DLGAP1: variants seen among roughly 807,000 people sequenced by gnomAD.
The protein encoded by DLGAP1 is DLG associated protein 1, also known as disks large-associated protein 1.
Under a neutral mutation model 90.8 loss-of-function variants are expected in DLGAP1, and 11 were observed. The ratio of observed to expected loss-of-function variants is 0.12; its 90% CI spans 0.08 to 0.20. DLGAP1 has a LOEUF of 0.20. DLGAP1 is among the 10% of genes least tolerant of loss of function. The probability of loss-of-function intolerance (pLI) is 1.00; values close to 1 mark genes in which losing one functional copy is unlikely to be tolerated. For missense variants in DLGAP1, 1,050 were observed against 1,333.8 expected (o/e 0.79, Z 3.31); for synonymous variants, 558 against 540.7 (o/e 1.03, Z -0.44).
At chr18:3,948,333 A>T (rs1170393306) in intron 3 of DLGAP1, among the ~76,000 whole-genome samples, 1 of 151,616 alleles carries the variant, frequency 6.6e-6, no homozygotes, top group Non-Finnish European at 1.5e-5. Context: ...ACTGCCAGTT[A>T]CTCAGCTCAC....
chr18:3,580,386 C>G, intron 8 of DLGAP1: 3 of 1,613,932 alleles, frequency 1.9e-6, no homozygotes, highest in Non-Finnish European at 1.7e-6. Context: ...AGCCACATAC[C>G]TAAGCACCAG....
chr18:3,532,578 CA>C lies in DLGAP1; in HGVS notation c.2479+1615del, dbSNP rs376318276. Among the ~76,000 whole-genome samples the C allele has an allele frequency of 6.0e-3, 518 of 86,168 alleles. 3 individuals are homozygous for C. The highest frequency in any genetic ancestry group is 0.012 in the East Asian group (37 of 3,144). 56.5% of individuals were successfully genotyped at this position (86,168 alleles called of 152,430 possible). ...GGGCAACAAGACCAAAACTCCATCT[CA>C]AAAAAAAAAAAGAAAAAAAAAGAAA... On this transcript the variant is annotated intron_variant, in intron 10 of 12. Transcript: ENST00000315677.
intron 3 of DLGAP1, among the ~76,000 whole-genome samples, chr18:3,966,149 A>C (rs2073326296): frequency 6.6e-6 from 1 of 152,012 alleles, no homozygotes; most frequent in Non-Finnish European, 1.5e-5. Context: ...ATGCGGTTGG[A>C]GGGGAGCACT....
Position 3,729,274 on chromosome 18 carries a change from G to T in DLGAP1, c.1452C>A (p.Pro484=). The change falls in exon 7 of 13, where the codon CCC becomes CCA. Residue 484 remains proline, a synonymous_variant. Coordinates refer to ENST00000315677, the MANE Select transcript of DLGAP1 (RefSeq NM_004746.4). This position sits in a 1 kb window ranked among gnomAD's most constrained non-coding sequence, Gnocchi z 6.2. ...QAVEALDLPM[P]GCFRMRSHSY... is the part of the protein sequence containing the mutation. ...TGTGGCTCCGCATGCGGAAGCAGCC[G>T]GGCATGGGCAGGTCCAGCGCTTCCA... The T allele has an allele frequency of 6.2e-7, 1 of 1,614,088 alleles. No homozygotes were observed. The highest frequency in any genetic ancestry group is 8.5e-7 in the Non-Finnish European group (1 of 1,179,978).
At chr18:4,077,824 T>C (rs762597122) in intron 2 of DLGAP1, among the ~76,000 whole-genome samples, 2 of 152,212 alleles carry the variant, frequency 1.3e-5, no homozygotes, top group East Asian at 1.9e-4. Context: ...CAAATCCCTA[T>C]GTAAATTTAA....
At position 4,378,275 on chromosome 18, in the gene DLGAP1, T is replaced by C. The variant is rs1215943389; in HGVS notation, c.-267+76731A>G. ...AAAAGTCTTCGCATTTTACATTTTA[T>C]TTTTCACATTTAGTTTTGTGTTACT... is the stretch of plus-strand genomic sequence containing the variant. On this transcript the variant is annotated intron_variant, in intron 1 of 12. Coordinates refer to ENST00000315677, the MANE Select transcript of DLGAP1 (RefSeq NM_004746.4). This position sits in a 1 kb window ranked among gnomAD's most constrained non-coding sequence, Gnocchi z 4.5. 2.0e-5 allele frequency among the ~76,000 whole-genome samples: 3 copies of C among 152,030 alleles called. No individual in the cohort carries two copies. The East Asian group carries it at 5.8e-4, about 29-fold the overall frequency.
At chr18:4,239,165 A>C (rs1164499775) in intron 1 of DLGAP1, among the ~76,000 whole-genome samples, 1 of 152,208 alleles carries the variant, frequency 6.6e-6, no homozygotes, top group Non-Finnish European at 1.5e-5. Context: ...ATGGTTGCCA[A>C]GGAGAAGTTA....
chr18:4,134,687 C>G (rs1907932292), intron 2 of DLGAP1, among the ~76,000 whole-genome samples: 1 of 152,020 alleles, frequency 6.6e-6, no homozygotes, highest in African/African-American at 2.4e-5. Flanking sequence ...TTAAAATGCC[C>G]AGTTAAACCC....
intron 9 of DLGAP1, among the ~76,000 whole-genome samples, chr18:3,558,498 G>A (rs1357257671): frequency 2.0e-5 from 3 of 152,150 alleles, no homozygotes; most frequent in East Asian, 1.9e-4. Flanking sequence ...CTCCCAAAGT[G>A]CTAGGATTAC....
intron 1 of DLGAP1, among the ~76,000 whole-genome samples, chr18:4,261,636 T>C (rs1241097141): frequency 6.6e-6 from 1 of 152,178 alleles, no homozygotes; most frequent in African/African-American, 2.4e-5. Flanking sequence ...CTTATACATA[T>C]ATATTTTTAG....
At chr18:3,937,717 G>A (rs1250711922) in intron 3 of DLGAP1, among the ~76,000 whole-genome samples, 2 of 152,172 alleles carry the variant, frequency 1.3e-5, no homozygotes, top group African/African-American at 4.8e-5. Context: ...TAAAGCTTAT[G>A]CTGTTTCCTT....
At chr18:4,381,278 A>G (rs1055831522) in intron 1 of DLGAP1, among the ~76,000 whole-genome samples, 2 of 152,186 alleles carry the variant, frequency 1.3e-5, no homozygotes, top group Admixed American at 6.5e-5. Flanking sequence ...AGACAAATAG[A>G]TAGACATAAA....
chr18:3,732,511 T>C (rs886915199), intron 6 of DLGAP1, among the ~76,000 whole-genome samples: 1 of 152,244 alleles, frequency 6.6e-6, no homozygotes, highest in African/African-American at 2.4e-5. Context: ...TATTTACTAA[T>C]TTTCAAGATA....
chr18:4,094,155 T>C (rs2075633601), intron 2 of DLGAP1, among the ~76,000 whole-genome samples: 1 of 152,206 alleles, frequency 6.6e-6, no homozygotes, highest in South Asian at 2.1e-4. Context: ...AATACTGATA[T>C]GTATTATGTG....
chr18:4,423,538 T>C (rs558557549), intron 1 of DLGAP1, among the ~76,000 whole-genome samples: 91 of 151,612 alleles, frequency 6.0e-4, no homozygotes, highest in African/African-American at 2.1e-3. Context: ...GATTCAACTT[T>C]GTTAGAATTA....
chr18:4,199,449 T>C (rs1421954665), intron 1 of DLGAP1, among the ~76,000 whole-genome samples: 4 of 152,254 alleles, frequency 2.6e-5, no homozygotes, highest in Admixed American at 1.3e-4. Context: ...CATTGGTACA[T>C]AGTGTGTATT....
chr18:4,453,341 C>T (rs987044763), intron 1 of DLGAP1, among the ~76,000 whole-genome samples: 5 of 147,440 alleles, frequency 3.4e-5, no homozygotes, highest in Non-Finnish European at 1.5e-5. Flanking sequence ...CTTGAATTTC[C>T]TTTTAAAAAC....
At chr18:3,898,467 G>A (rs144007995) in intron 3 of DLGAP1, among the ~76,000 whole-genome samples, 6 of 152,280 alleles carry the variant, frequency 3.9e-5, no homozygotes, top group South Asian at 2.1e-4. Context: ...TAATTTACTT[G>A]TAGTTAATCC....
intron 10 of DLGAP1, among the ~76,000 whole-genome samples, chr18:3,531,772 C>T (rs967470853): frequency 4.8e-4 from 73 of 152,164 alleles, no homozygotes; most frequent in African/African-American, 1.5e-3. Context: ...CATGAGCCAC[C>T]GCACAAGGCC....
Sources: gnomAD v4.1 joint callset for allele counts (sites outside exome capture counted in the v4.1 genomes callset) on GRCh38, gnomAD v4.1.1 for gene constraint, Gnocchi (gnomAD v3.1) non-coding constraint, MANE v1.5 for transcripts, NCBI Gene and HGNC (gene_info 2026-07-23, HGNC 2026-07-21) for gene names.